DLD: variants seen among roughly 807,000 people sequenced by gnomAD.
DLD encodes the protein dihydrolipoyl dehydrogenase, mitochondrial.
In DLD, 36 loss-of-function variants were observed where a neutral mutation model predicts 62.2. The observed-to-expected ratio is 0.58, with a 90% confidence interval of 0.44 to 0.76. The LOEUF is 0.76. Ranked by LOEUF, DLD falls within the 30% of genes least tolerant of loss-of-function variation. DLD has a pLI of 0.00. For synonymous variants in DLD, 204 were observed against 199.6 expected, an observed-to-expected ratio of 1.02 and a Z score of -0.19; for missense variants, 541 against 608.6, an observed-to-expected ratio of 0.89 and a Z score of 1.17.
chr7:107,914,842 A>G (rs1415665452), intron 8 of DLD, among the ~76,000 whole-genome samples: 1 of 152,258 alleles, frequency 6.6e-6, no homozygotes, highest in Non-Finnish European at 1.5e-5. Context: ...AAAATAAACT[A>G]GCATTCAGTT....
chr7:107,915,732 C>T (rs1199543018), intron 9 of DLD, 36 bp downstream of exon 9: 2 of 1,587,702 alleles, frequency 1.3e-6, no homozygotes, highest in Non-Finnish European at 1.7e-6. Context: ...TGTATCATCC[C>T]TGTCTCTTTA....
rs2116270465 is a variant in DLD at position 107,916,941 on chromosome 7, C to T, written c.1023C>T (p.Thr341=). The T allele has an allele frequency of 6.2e-7, 1 of 1,613,624 alleles. No individual in the cohort carries two copies. The highest frequency in any genetic ancestry group is 1.1e-5 in the South Asian group (1 of 91,058). ...CCAGAGGTAGAATTCCAGTCAATAC[C>T]AGATTTCAAACTAAAATTCCAAAGT... ...LDPRGRIPVN[T]RFQTKIPNIY... Residue 341 remains threonine, a synonymous_variant, in exon 10 of 14, where the codon ACC becomes ACT. Coordinates refer to ENST00000205402, the MANE Select transcript of DLD (RefSeq NM_000108.5).
rs2032249629 is a variant in DLD, at chr7:107,915,623, C to T, written c.802C>T (p.Gln268Ter). The T allele has an allele frequency of 6.2e-7, 1 of 1,613,642 alleles. No homozygotes were observed. The highest frequency in any genetic ancestry group is 8.5e-7 in the Non-Finnish European group (1 of 1,179,826). Reference sequence around the variant, plus strand: ...AAACTTTCAACGCATCCTTCAAAAACAGGGGTTTAAATTTAAATTGAATAC... The same window carrying T: ...AAACTTTCAACGCATCCTTCAAAAATAGGGGTTTAAATTTAAATTGAATAC... ...SKNFQRILQKQGFKFKLNTKV... is the reference protein window; with the variant it reads ...SKNFQRILQK Residue 268 changes from glutamine (Q) to a stop codon, truncating the protein, a stop_gained, in exon 9 of 14, where the codon CAG becomes TAG. Transcript: ENST00000205402. LOFTEE classifies it high-confidence loss of function.
chr7:107,903,612 A>G (rs987510839), intron 5 of DLD, 65 bp downstream of exon 5: 5 of 917,106 alleles, frequency 5.5e-6, no homozygotes, highest in African/African-American at 3.4e-5. Context: ...CTGTCTAAAG[A>G]CTTAAATGTG....
At chr7:107,891,326 G>A in intron 1 of DLD, 37 bp downstream of exon 1, 1 of 1,613,318 alleles carries the variant, frequency 6.2e-7, no homozygotes, top group Non-Finnish European at 8.5e-7. Context: ...TTGAGCCAGA[G>A]GCACGGAAGG....
intron 1 of DLD, among the ~76,000 whole-genome samples, chr7:107,892,477 T>TA (rs547340325): frequency 1.8e-4 from 28 of 152,290 alleles, no homozygotes; most frequent in African/African-American, 6.3e-4. Context: ...AAATTACAGG[T>TA]AAAAAGATTA....
At chr7:107,891,380 G>A in intron 1 of DLD, 91 bp downstream of exon 1, 1 of 1,306,304 alleles carries the variant, frequency 7.7e-7, no homozygotes, top group Non-Finnish European at 1.0e-6. Flanking sequence ...GTGTTGGGCT[G>A]GCGGAGGCGG....
intron 8 of DLD, among the ~76,000 whole-genome samples, chr7:107,914,115 C>G (rs185930603): frequency 8.2e-4 from 124 of 152,090 alleles, no homozygotes; most frequent in African/African-American, 2.8e-3. Flanking sequence ...TTGTTGAATT[C>G]AATTCATTGT....
chr7:107,902,159 T>A (rs1416721906), intron 3 of DLD, among the ~76,000 whole-genome samples, 166 bp from the exon 4 acceptor site: 2 of 151,016 alleles, frequency 1.3e-5, no homozygotes, highest in Non-Finnish European at 3.0e-5. Flanking sequence ...CCCAAAAGTG[T>A]TTATTATTAT....
intron 2 of DLD, among the ~76,000 whole-genome samples, chr7:107,893,926 T>C (rs924698093): frequency 6.6e-5 from 10 of 152,176 alleles, no homozygotes; most frequent in African/African-American, 2.4e-4. Context: ...ATTTTGTCCG[T>C]TGAGTAAGGT....
At chr7:107,897,780 T>C (rs1193649839) in intron 2 of DLD, among the ~76,000 whole-genome samples, 4 of 152,058 alleles carry the variant, frequency 2.6e-5, no homozygotes, top group Non-Finnish European at 5.9e-5. Context: ...GGTTTCACCA[T>C]GTTGGCCTGG....
At chr7:107,905,170 A>G in intron 6 of DLD, 112 bp downstream of exon 6, 1 of 1,051,848 alleles carries the variant, frequency 9.5e-7, no homozygotes, top group South Asian at 1.4e-5. Flanking sequence ...TTAATTTAAA[A>G]TAGCTTGCTA....
At chr7:107,906,213 AC>A (rs1179517014) in intron 7 of DLD, 53 bp from the exon 8 acceptor site, 1 of 1,140,438 alleles carries the variant, frequency 8.8e-7, no homozygotes, top group African/African-American at 1.5e-5. Flanking sequence ...TGGAGGGTCG[AC>A]TGTACTAGGT....
At chr7:107,892,844 G>T (rs1039475053) in intron 1 of DLD, among the ~76,000 whole-genome samples, 1 of 152,124 alleles carries the variant, frequency 6.6e-6, no homozygotes, top group Non-Finnish European at 1.5e-5. Context: ...CACCACGGCC[G>T]GCTCAGAGCT....
chr7:107,897,636 T>C (rs1391064996), intron 2 of DLD, among the ~76,000 whole-genome samples: 1 of 146,832 alleles, frequency 6.8e-6, no homozygotes, highest in Non-Finnish European at 1.5e-5. Flanking sequence ...TGGGGTGCAA[T>C]GGTGCGATCT....
intron 8 of DLD, among the ~76,000 whole-genome samples, chr7:107,907,693 C>T (rs1284296632): frequency 1.3e-5 from 2 of 152,176 alleles, no homozygotes; most frequent in African/African-American, 4.8e-5. Context: ...TCTTCAAACT[C>T]CTTCCTTTTA....
intron 2 of DLD, among the ~76,000 whole-genome samples, chr7:107,897,809 C>G (rs534197991): frequency 1.3e-5 from 2 of 152,030 alleles, no homozygotes; most frequent in East Asian, 3.9e-4. Context: ...GAACTCCTGA[C>G]CTCAAGTGAT....
intron 10 of DLD, 107 bp downstream of exon 10, chr7:107,917,071 G>T: frequency 7.9e-7 from 1 of 1,258,906 alleles, no homozygotes; most frequent in South Asian, 1.3e-5. Flanking sequence ...CTTTGGGGAA[G>T]AATAGTAAAC....
chr7:107,902,334 A>C lies in DLD; in HGVS notation c.208A>C (p.Ile70Leu). 6.2e-7 allele frequency: 1 copy of C among 1,613,806 alleles called. No homozygotes were observed. Among genetic ancestry groups the C allele is most frequent in the East Asian group, 2.2e-5 (1 of 44,800 alleles). The change falls in exon 4 of 14, where the codon ATT becomes CTT. Residue 70 changes from isoleucine (I) to leucine (L), a missense_variant. Transcript: ENST00000205402. ...AAQLGFKTVC[I>L]EKNETLGGTC... ...TTTTCTTTGGTTGTAGACAGTCTGCATTGAGAAAAATGAAACACTTGGTGG... is the reference window on the plus strand; with the variant it reads ...TTTTCTTTGGTTGTAGACAGTCTGCCTTGAGAAAAATGAAACACTTGGTGG...
Sources: allele counts gnomAD v4.1 joint callset (sites outside exome capture counted in the v4.1 genomes callset), GRCh38; gene constraint gnomAD v4.1.1; transcripts MANE v1.5; gene names NCBI Gene and HGNC (gene_info 2026-07-23, HGNC 2026-07-21).